ACSBG2: variants seen among roughly 807,000 people sequenced by gnomAD.
ACSBG2 encodes long-chain-fatty-acid--CoA ligase ACSBG2.
ACSBG2 carries 62 observed loss-of-function variants against 74.7 expected under a neutral mutation model. The ratio of observed to expected loss-of-function variants is 0.83; its 90% confidence interval spans 0.68 to 1.03. The LOEUF (loss-of-function observed/expected upper bound fraction) is 1.03, where lower values mean the gene tolerates loss of function less well. Ranked by LOEUF, ACSBG2 falls within the 50% of genes least tolerant of loss-of-function variation. The pLI is 0.00. For synonymous variants in ACSBG2, 309 were observed against 294.1 expected (o/e 1.05, Z -0.52); for missense variants, 730 against 817.6 (o/e 0.89, Z 1.31).
At position 6,157,104 on chromosome 19, in the gene ACSBG2, G is replaced by A. The variant is rs891786438; in HGVS notation, c.507+553G>A. Among the ~76,000 whole-genome samples, 9 of 152,186 alleles carry A rather than the reference G, an allele frequency of 5.9e-5. No homozygotes were observed. The South Asian group carries it at 6.2e-4, about 11-fold the overall frequency. On this transcript the variant is annotated intron_variant, in intron 5 of 14. Coordinates refer to ENST00000588485, the MANE Select transcript of ACSBG2 (RefSeq NM_030924.5). ...TGGGACTACAAGTGCCCACCATCACGCCTGGCTAATTTTTTTGTATGTTTT... is the reference window on the plus strand; with the variant it reads ...TGGGACTACAAGTGCCCACCATCACACCTGGCTAATTTTTTTGTATGTTTT...
At position 6,161,265 on chromosome 19, in the gene ACSBG2, G is replaced by A. The variant is rs34920114; in HGVS notation, c.558G>A (p.Leu186=). Reference sequence around the variant, plus strand: ...TAAAAGCGATCATCCAGTACAGACTGCCAATGAAGAAGAACAACAACTTGT... The same window carrying A: ...TAAAAGCGATCATCCAGTACAGACTACCAATGAAGAAGAACAACAACTTGT... ...EPLKAIIQYR[L]PMKKNNNLYS... The change falls in exon 6 of 15, where the codon CTG becomes CTA. Residue 186 remains leucine (L), a synonymous_variant. Coordinates refer to ENST00000588485, the MANE Select transcript of ACSBG2 (RefSeq NM_030924.5). The A allele has an allele frequency of 1.6e-4, 263 of 1,613,564 alleles. 1 individual carries two copies. In the African/African-American group the frequency reaches 3.1e-3, roughly 19 times the overall value.
intron 2 of ACSBG2, among the ~76,000 whole-genome samples, chr19:6,143,421 C>T (rs1030889595): frequency 6.6e-6 from 1 of 151,778 alleles, no homozygotes; most frequent in African/African-American, 2.4e-5. Context: ...AAAACAAACA[C>T]CAGTCATTGG....
At chr19:6,177,732 A>G (rs1029134562) in intron 8 of ACSBG2, among the ~76,000 whole-genome samples, 1 of 40,926 alleles carries the variant, frequency 2.4e-5, no homozygotes, top group Admixed American at 3.3e-4. Context: ...CTGACCAAAT[A>G]AAACAACTTT....
At chr19:6,179,293 A>ATTTTTT (rs1169472742) in intron 8 of ACSBG2, among the ~76,000 whole-genome samples, 3 of 118,594 alleles carry the variant, frequency 2.5e-5, no homozygotes, top group African/African-American at 6.2e-5. Flanking sequence ...TCTTTTCTAA[A>ATTTTTT]TTTTTTTTTT....
At chr19:6,139,851 G>A (rs1226201093) in intron 1 of ACSBG2, among the ~76,000 whole-genome samples, 1 of 152,162 alleles carries the variant, frequency 6.6e-6, no homozygotes, top group Admixed American at 6.5e-5. Flanking sequence ...GGCCGAGGCA[G>A]GCAGATCACC....
In ACSBG2 at chr19:6,165,898, C is replaced by G; in HGVS notation, c.621C>G (p.Ile207Met). Residue 207 changes from isoleucine (I) to methionine (M), a missense_variant, in exon 7 of 15, where the codon ATC becomes ATG. Physicochemically the swap from Ile to Met is conservative, Grantham distance 10 (BLOSUM62 1). Transcript: ENST00000588485. ...ATTTCATGGAACTTGGCAGAAGTATCCCTGACACCCAACTGGAGCAGGTCA... is the reference window on the plus strand; with the variant it reads ...ATTTCATGGAACTTGGCAGAAGTATGCCTGACACCCAACTGGAGCAGGTCA... ...WDDFMELGRS[I>M]PDTQLEQVIE... 6.2e-7 allele frequency: 1 copy of G among 1,614,174 alleles called. No homozygotes were observed. Among genetic ancestry groups the G allele is most frequent in the Non-Finnish European group, 8.5e-7 (1 of 1,180,018 alleles).
Position 6,143,066 on chromosome 19 carries a change from A to G in ACSBG2, c.67+1456A>G, listed in dbSNP as rs1319619302. Reference sequence around the variant, plus strand: ...AAAACCCTGTCTCTCTTAAAACTACAAAAATTAGCCAGGTGTGGTGGCACA... The same window carrying G: ...AAAACCCTGTCTCTCTTAAAACTACGAAAATTAGCCAGGTGTGGTGGCACA... On this transcript the variant is annotated intron_variant, in intron 2 of 14. Coordinates refer to ENST00000588485, the MANE Select transcript of ACSBG2 (RefSeq NM_030924.5). 2.6e-5 allele frequency among the ~76,000 whole-genome samples: 4 copies of G among 152,064 alleles called. No homozygotes were observed. The East Asian group carries it at 7.7e-4, about 29-fold the overall frequency.
At position 6,151,716 on chromosome 19, in the gene ACSBG2, G is replaced by C; in HGVS notation, c.307G>C (p.Glu103Gln). The change falls in exon 4 of 15, where the codon GAG (glutamate) becomes CAG (glutamine). Residue 103 changes from glutamate to glutamine, a missense_variant. By Grantham distance (29) the Glu-to-Gln change is conservative. Transcript: ENST00000588485. ...AAKSLIKLGL[E>Q]RFHGVGILGF... The stretch of plus-strand genomic sequence containing the variant: ...GCTTTTTCCTTCCCAGCTGGGTTTG[G>C]AGCGTTTCCACGGAGTTGGTATCCT... 1 of 1,598,308 alleles carries C rather than the reference G, an allele frequency of 6.3e-7. No individual in the cohort carries two copies. Among genetic ancestry groups the C allele is most frequent in the East Asian group, 2.2e-5 (1 of 44,716 alleles).
intron 5 of ACSBG2, among the ~76,000 whole-genome samples, chr19:6,159,977 C>A (rs918775302): frequency 6.6e-6 from 1 of 152,192 alleles, no homozygotes; most frequent in African/African-American, 2.4e-5. Flanking sequence ...CTCTCCAATG[C>A]ATGCCAGAGG....
At chr19:6,157,848 T>C (rs1383799612) in intron 5 of ACSBG2, among the ~76,000 whole-genome samples, 4 of 152,270 alleles carry the variant, frequency 2.6e-5, no homozygotes, top group East Asian at 1.9e-4. Context: ...TCTTCATTTC[T>C]TGTCATTGTC....
rs754295937 is a variant in ACSBG2 at position 6,147,589 on chromosome 19, G to A, written c.211G>A (p.Ala71Thr). ...CCGATTTGGAACTTATCCAGCCCTC[G>A]CATCCAAGAATGGCAAAAAGTGGGA... Reference protein sequence around the residue: ...VNRFGTYPALASKNGKKWEIL... With the variant: ...VNRFGTYPALTSKNGKKWEIL... The change falls in exon 3 of 15, where the codon GCA becomes ACA. Residue 71 changes from alanine (A) to threonine (T), a missense_variant. Coordinates refer to ENST00000588485, the MANE Select transcript of ACSBG2 (RefSeq NM_030924.5). 1.5e-5 allele frequency: 24 copies of A among 1,614,090 alleles called. No individual in the cohort carries two copies. The highest frequency in any genetic ancestry group is 3.3e-5 in the Admixed American group (2 of 59,986).
chr19:6,190,367 C>T (rs951368486), intron 13 of ACSBG2: 4 of 523,224 alleles, frequency 7.6e-6, no homozygotes, highest in Admixed American at 3.1e-5. Context: ...CCATGCTCTT[C>T]ACCTTCCAGC....
intron 8 of ACSBG2, 78 bp from the exon 9 acceptor site, chr19:6,182,672 GT>G: frequency 1.4e-6 from 2 of 1,402,820 alleles, no homozygotes; most frequent in Non-Finnish European, 2.0e-6. Flanking sequence ...CTTGGGCAAA[GT>G]TGGGTGGATC....
rs1392100783 is a variant in ACSBG2, at chr19:6,162,288, G to A, written c.588+993G>A. Among the ~76,000 whole-genome samples, 6 of 128,652 alleles carry A rather than the reference G, an allele frequency of 4.7e-5. 1 individual carries two copies. Among genetic ancestry groups the A allele is most frequent in the Admixed American group, 2.6e-4 (3 of 11,584 alleles). The allele number at this position is 128,652 out of a possible 152,430, so 84.4% of individuals were successfully genotyped here. The stretch of plus-strand genomic sequence containing the variant: ...TCAAAAAAAAAAAAAAAAAAAGGCC[G>A]GGCGCCAGTGGCTCACACCTGTAAT... On this transcript the variant is annotated intron_variant, in intron 6 of 14. Transcript: ENST00000588485.
intron 6 of ACSBG2, among the ~76,000 whole-genome samples, chr19:6,162,550 G>C (rs999863013): frequency 3.1e-4 from 34 of 110,366 alleles, no homozygotes; most frequent in Non-Finnish European, 4.3e-4. Flanking sequence ...CTGGGCAACA[G>C]AGCAAGACTC....
Position 6,156,441 on chromosome 19 carries a change from G to A in ACSBG2, c.397G>A (p.Val133Ile), listed in dbSNP as rs1317492056. The A allele has an allele frequency of 1.1e-5, 17 of 1,592,200 alleles. No homozygotes were observed. Among genetic ancestry groups the A allele is most frequent in the Middle Eastern group, 1.7e-4 (1 of 6,046 alleles). ...GTTTTCTTTTCCCAGGGGTCTTTGTGTTGGTATTTATGCCACCAACTCTGC... is the reference window on the plus strand; with the variant it reads ...GTTTTCTTTTCCCAGGGGTCTTTGTATTGGTATTTATGCCACCAACTCTGC... ...VGAILAGGLC[V>I]GIYATNSAEV... The change falls in exon 5 of 15, where the codon GTT (valine) becomes ATT (isoleucine). Residue 133 changes from valine to isoleucine, a missense_variant. By Grantham distance (29) the Val-to-Ile change is conservative. Coordinates refer to ENST00000588485, the MANE Select transcript of ACSBG2 (RefSeq NM_030924.5).
At chr19:6,142,510 T>C (rs2088879444) in intron 2 of ACSBG2, among the ~76,000 whole-genome samples, 1 of 151,742 alleles carries the variant, frequency 6.6e-6, no homozygotes, top group Admixed American at 6.6e-5. Context: ...CCCAGCACTG[T>C]GGGAGGCCGA....
intron 4 of ACSBG2, 82 bp from the exon 5 acceptor site, chr19:6,156,349 C>G: frequency 1.4e-6 from 2 of 1,454,252 alleles, no homozygotes; most frequent in Non-Finnish European, 1.8e-6. Context: ...GCCTGCAAAC[C>G]TTTCCTCTCT....
chr19:6,178,986 T>C (rs2090166384), intron 8 of ACSBG2, among the ~76,000 whole-genome samples: 2 of 152,188 alleles, frequency 1.3e-5, no homozygotes, highest in Admixed American at 1.3e-4. Flanking sequence ...CCAACTCAGA[T>C]AGTCATTGGC....
Sources: gnomAD v4.1 joint callset for allele counts (sites outside exome capture counted in the v4.1 genomes callset) on GRCh38, gnomAD v4.1.1 for gene constraint, MANE v1.5 for transcripts, NCBI Gene and HGNC (gene_info 2026-07-23, HGNC 2026-07-21) for gene names.